LRP1B: variants seen among roughly 807,000 people sequenced by gnomAD.
LRP1B encodes low-density lipoprotein receptor-related protein 1B.
A neutral mutation model predicts 556.6 loss-of-function variants in LRP1B; 217 were observed. The ratio of observed to expected loss-of-function variants is 0.39; its 90% confidence interval spans 0.35 to 0.44. The LOEUF (loss-of-function observed/expected upper bound fraction) is 0.44, where lower values mean the gene tolerates loss of function less well. Among genes scored for constraint, LRP1B ranks in the 20% least tolerant of loss-of-function variants. The pLI is 1.00. For missense variants in LRP1B, 5,053 were observed against 5,620.8 expected (o/e 0.90, Z 3.23); for synonymous variants, 2,047 against 1,865.8 (o/e 1.10, Z -2.50).
At chr2:140,744,420 G>A (rs185205728) in intron 35 of LRP1B, among the ~76,000 whole-genome samples, 1 of 152,254 alleles carries the variant, frequency 6.6e-6, no homozygotes, top group East Asian at 1.9e-4. Flanking sequence ...AACCCTATCT[G>A]GAGAGAATTA....
intron 86 of LRP1B, among the ~76,000 whole-genome samples, chr2:140,263,207 C>T (rs1009258406): frequency 2.0e-5 from 3 of 152,110 alleles, no homozygotes; most frequent in African/African-American, 4.8e-5. Context: ...GCATGAGCCA[C>T]CACGCCTGGT....
chr2:141,206,901 C>G (rs1356714578), intron 6 of LRP1B, among the ~76,000 whole-genome samples: 2 of 152,162 alleles, frequency 1.3e-5, no homozygotes, highest in African/African-American at 4.8e-5. Flanking sequence ...CATCATCCAG[C>G]TTCCTGGGTG....
At chr2:141,726,087 A>T (rs868569381) in intron 2 of LRP1B, among the ~76,000 whole-genome samples, 26 of 151,668 alleles carry the variant, frequency 1.7e-4, no homozygotes, top group Admixed American at 6.6e-4. Flanking sequence ...AGAAAATACA[A>T]ATTATTTAAG....
intron 2 of LRP1B, among the ~76,000 whole-genome samples, chr2:141,806,707 G>A (rs975270791): frequency 6.6e-6 from 1 of 151,984 alleles, no homozygotes; most frequent in Non-Finnish European, 1.5e-5. Flanking sequence ...TAAACTTTCA[G>A]ATTTCTAAGT....
At chr2:141,174,487 T>C (rs2105153010) in intron 7 of LRP1B, among the ~76,000 whole-genome samples, 1 of 152,116 alleles carries the variant, frequency 6.6e-6, no homozygotes, top group East Asian at 2.0e-4. Context: ...TAAGTTTTCA[T>C]GAGATCTGAT....
chr2:141,523,124 A>G (rs1684582269), intron 2 of LRP1B, among the ~76,000 whole-genome samples: 1 of 151,906 alleles, frequency 6.6e-6, no homozygotes, highest in Admixed American at 6.6e-5. Flanking sequence ...AGTTATTTTA[A>G]AACATCATGA....
intron 79 of LRP1B, among the ~76,000 whole-genome samples, chr2:140,328,909 C>A (rs181131309): frequency 2.0e-5 from 3 of 152,056 alleles, no homozygotes; most frequent in East Asian, 3.9e-4. Flanking sequence ...CTTTATTTAA[C>A]TAGAGACATT....
intron 67 of LRP1B, among the ~76,000 whole-genome samples, chr2:140,385,675 G>T (rs1222611915): frequency 6.6e-6 from 1 of 152,114 alleles, no homozygotes; most frequent in East Asian, 1.9e-4. Flanking sequence ...TACCAGTTGT[G>T]AGAACTGTAA....
chr2:141,947,440 A>T (rs896020378), intron 1 of LRP1B, among the ~76,000 whole-genome samples: 9 of 152,104 alleles, frequency 5.9e-5, no homozygotes, highest in African/African-American at 2.2e-4. Context: ...CATCTCAAAA[A>T]AAATAAATAA....
chr2:142,058,326 A>G (rs6744124), intron 1 of LRP1B, among the ~76,000 whole-genome samples: 6,045 of 152,090 alleles, frequency 0.04, 400 homozygotes, highest in African/African-American at 0.14. Flanking sequence ...CACTGCCTCT[A>G]CACTAATCCC....
At chr2:140,808,828 G>A (rs1484267861) in intron 32 of LRP1B, among the ~76,000 whole-genome samples, 10 of 152,192 alleles carry the variant, frequency 6.6e-5, no homozygotes, top group Admixed American at 4.6e-4. Flanking sequence ...CCTGACATTA[G>A]TATGTCCTTA....
At chr2:140,581,721 G>A (rs962007806) in intron 43 of LRP1B, among the ~76,000 whole-genome samples, 1 of 151,882 alleles carries the variant, frequency 6.6e-6, no homozygotes, top group Non-Finnish European at 1.5e-5. Flanking sequence ...CCAAATGTTA[G>A]CCTGAATTAT....
rs377198027 is a variant in LRP1B, at chr2:141,204,416, GATGGTCCTGCAATGGCCAGTTT to G, written c.851-15855_851-15834del. Among the ~76,000 whole-genome samples, 786 of 152,228 alleles carry G rather than the reference GATGGTCCTGCAATGGCCAGTTT, an allele frequency of 5.2e-3. 5 individuals carry two copies. Among genetic ancestry groups the G allele is most frequent in the African/African-American group, 0.018 (756 of 41,544 alleles). On this transcript the variant is annotated intron_variant, in intron 6 of 90. Transcript: ENST00000389484. ...TGATATGAGAGAAATCCGGATTTGG[GATGGTCCTGCAATGGCCAGTTT>G]ATGGTCCTCCACCTCAGATACTTCA...
chr2:141,080,212 G>C (rs10209400), intron 7 of LRP1B, among the ~76,000 whole-genome samples: 3,096 of 152,222 alleles, frequency 0.02, 109 homozygotes, highest in African/African-American at 0.07. Flanking sequence ...GGGATCCTAG[G>C]TTTATCCCTC....
chr2:141,603,974 G>A (rs1687834675), intron 2 of LRP1B, among the ~76,000 whole-genome samples: 2 of 152,158 alleles, frequency 1.3e-5, no homozygotes, highest in Admixed American at 6.5e-5. Flanking sequence ...CTAGATTCCA[G>A]GGATGCAATT....
At chr2:142,114,363 T>C (rs1707109760) in intron 1 of LRP1B, among the ~76,000 whole-genome samples, 1 of 152,106 alleles carries the variant, frequency 6.6e-6, no homozygotes, top group African/African-American at 2.4e-5. Context: ...ATTATTGCAG[T>C]GAATATTAAA....
At chr2:140,476,794 G>A (rs1055105206) in intron 59 of LRP1B, among the ~76,000 whole-genome samples, 1 of 151,950 alleles carries the variant, frequency 6.6e-6, no homozygotes, top group Non-Finnish European at 1.5e-5. Context: ...GATTCAAAGA[G>A]CTCTGAAAGT....
At chr2:140,868,868 A>G (rs1693036113) in intron 25 of LRP1B, among the ~76,000 whole-genome samples, 1 of 152,100 alleles carries the variant, frequency 6.6e-6, no homozygotes, top group South Asian at 2.1e-4. Context: ...TAGTAAATAT[A>G]TACAGACATA....
intron 84 of LRP1B, among the ~76,000 whole-genome samples, chr2:140,276,632 T>C (rs2104956849): frequency 6.6e-6 from 1 of 152,086 alleles, no homozygotes; most frequent in Non-Finnish European, 1.5e-5. Flanking sequence ...GGTTGCAAGA[T>C]ACCTCTAACT....
Sources: allele counts gnomAD v4.1 joint callset (sites outside exome capture counted in the v4.1 genomes callset), GRCh38; gene constraint gnomAD v4.1.1; transcripts MANE v1.5; gene names NCBI Gene and HGNC (gene_info 2026-07-23, HGNC 2026-07-21).